The following FBXO8 variants were observed in gnomAD, a reference collection of about 807,000 sequenced individuals.
The protein encoded by FBXO8 is F-box protein 8, also known as F-box only protein 8.
FBXO8 carries 15 observed loss-of-function variants against 33.4 expected under a neutral mutation model. That is an observed-to-expected ratio of 0.45 (90% CI 0.30 to 0.69). The LOEUF is 0.69. FBXO8 is among the 30% of genes least tolerant of loss of function. The probability of loss-of-function intolerance (pLI) is 0.08; values close to 1 mark genes in which losing one functional copy is unlikely to be tolerated. For missense variants in FBXO8, 274 were observed against 380.3 expected (o/e 0.72, Z 2.32); for synonymous variants, 132 against 131.5 (o/e 1.00, Z -0.02).
rs963811681 is a variant in FBXO8 at position 174,237,079 on chromosome 4, G to T, written c.*333C>A. On this transcript the variant is annotated 3_prime_UTR_variant, in exon 6 of 6. Coordinates refer to ENST00000393674, the MANE Select transcript of FBXO8 (RefSeq NM_012180.3). The surrounding 1 kb of genome is among the most constrained non-coding windows in gnomAD (Gnocchi z 4.4). Reference sequence around the variant, plus strand: ...TTACATGGTATTTGTATAAAGAATGGAAATGGATAAAGTTTTTCAGGCAAA... The same window carrying T: ...TTACATGGTATTTGTATAAAGAATGTAAATGGATAAAGTTTTTCAGGCAAA... The T allele has an allele frequency of 5.2e-5, 10 of 193,598 alleles. No homozygotes were observed. Among genetic ancestry groups the T allele is most frequent in the Non-Finnish European group, 1.1e-4 (10 of 93,700 alleles). The allele number at this position is 193,598 out of a possible 1,614,324, so 12.0% of individuals were successfully genotyped here.
chr4:174,242,696 G>T (rs1375266146), intron 3 of FBXO8, among the ~76,000 whole-genome samples: 1 of 151,438 alleles, frequency 6.6e-6, no homozygotes, highest in Non-Finnish European at 1.5e-5. Flanking sequence ...ATACTTCTTT[G>T]GAATGAGGCT....
intron 3 of FBXO8, among the ~76,000 whole-genome samples, chr4:174,246,753 TA>T: frequency 6.6e-6 from 1 of 152,112 alleles, no homozygotes; most frequent in East Asian, 1.9e-4. Flanking sequence ...CTGGAGTTTA[TA>T]ATGATTAGCC....
In FBXO8 at chr4:174,262,707, T is replaced by C. The variant is rs1319402745; in HGVS notation, c.329+57A>G. 7 of 1,437,960 alleles carry C rather than the reference T, an allele frequency of 4.9e-6. No homozygotes were observed. The highest frequency in any genetic ancestry group is 1.2e-5 in the South Asian group (1 of 82,074). 89.1% of individuals were successfully genotyped at this position (1,437,960 alleles called of 1,614,324 possible). A position where few individuals can be genotyped will look rare whatever the true frequency, so the allele number is the denominator to read the frequency against. The stretch of plus-strand genomic sequence containing the variant: ...TGTAATATACATTATAAAAAGAACA[T>C]TGAAGCATGATTATGTTTAGAGATA... On this transcript the variant is annotated intron_variant, in intron 2 of 5. Transcript: ENST00000393674. This position sits in a 1 kb window ranked among gnomAD's most constrained non-coding sequence, Gnocchi z 4.6.
In FBXO8 at chr4:174,251,390, G is replaced by T. The variant is rs1191447779; in HGVS notation, c.456+8309C>A. Among the ~76,000 whole-genome samples, 1 of 152,046 alleles carries T rather than the reference G, an allele frequency of 6.6e-6. No homozygotes were observed. The highest frequency in any genetic ancestry group is 1.5e-5 in the Non-Finnish European group (1 of 67,984). ...TTGTCTTTCTTTCAAGTTTCTAAAA[G>T]GTTTATTCCGAGTCCACAAACCTCC... On this transcript the variant is annotated intron_variant, in intron 3 of 5. Coordinates refer to ENST00000393674, the MANE Select transcript of FBXO8 (RefSeq NM_012180.3). The surrounding 1 kb of genome is among the most constrained non-coding windows in gnomAD (Gnocchi z 4.2).
rs1160285262 is a variant in FBXO8 at position 174,239,052 on chromosome 4, G to A, written c.714C>T (p.Phe238=). The part of the protein sequence containing the change: ...GEYLETLITK[F]SHRFCACNPD... ...GGTTGCAAGCACAGAATCTATGTGA[G>A]AACTTTGTTATAAGAGTTTCAAGAT... Residue 238 remains phenylalanine, a synonymous_variant, in exon 5 of 6, where the codon TTC becomes TTT. Transcript: ENST00000393674. The A allele has an allele frequency of 7.5e-6, 12 of 1,605,308 alleles. No homozygotes were observed. Among genetic ancestry groups the A allele is most frequent in the South Asian group, 1.1e-5 (1 of 89,746 alleles).
In FBXO8 at chr4:174,259,425, T is replaced by G. The variant is rs903735630; in HGVS notation, c.456+274A>C. Reference sequence around the variant, plus strand: ...AAATTTTTGTGCTCTCTACTTATAATGTACTAATATTGTAATCAGGTCAGT... The same window carrying G: ...AAATTTTTGTGCTCTCTACTTATAAGGTACTAATATTGTAATCAGGTCAGT... On this transcript the variant is annotated intron_variant, in intron 3 of 5. Coordinates refer to ENST00000393674, the MANE Select transcript of FBXO8 (RefSeq NM_012180.3). This position sits in a 1 kb window ranked among gnomAD's most constrained non-coding sequence, Gnocchi z 4.3. 5.3e-5 allele frequency among the ~76,000 whole-genome samples: 8 copies of G among 152,088 alleles called. No individual in the cohort carries two copies. Among genetic ancestry groups the G allele is most frequent in the African/African-American group, 1.9e-4 (8 of 41,448 alleles).
rs1736976200 is a variant in FBXO8 at position 174,277,032 on chromosome 4, A to G, written c.-9+6378T>C. ...ATTGTTCTGACATAATTTTGGATGTATTTTTTTTAAAGTAGCAGTTTTAGT... is the reference window on the plus strand; with the variant it reads ...ATTGTTCTGACATAATTTTGGATGTGTTTTTTTTAAAGTAGCAGTTTTAGT... On this transcript the variant is annotated intron_variant, in intron 1 of 5. Transcript: ENST00000393674. This position sits in a 1 kb window ranked among gnomAD's most constrained non-coding sequence, Gnocchi z 4.9. 6.6e-6 allele frequency among the ~76,000 whole-genome samples: 1 copy of G among 151,942 alleles called. No homozygotes were observed. Among genetic ancestry groups the G allele is most frequent in the African/African-American group, 2.4e-5 (1 of 41,384 alleles).
intron 2 of FBXO8, among the ~76,000 whole-genome samples, chr4:174,260,063 C>T (rs2126434321): frequency 6.6e-6 from 1 of 152,048 alleles, no homozygotes; most frequent in Non-Finnish European, 1.5e-5. Flanking sequence ...TAATAATATT[C>T]ATGAGTACTA....
rs761336515 is a variant in FBXO8, at chr4:174,263,086, G to C, written c.7C>G (p.Gln3Glu). 1 of 1,611,348 alleles carries C rather than the reference G, an allele frequency of 6.2e-7. No individual in the cohort carries two copies. The highest frequency in any genetic ancestry group is 1.1e-5 in the South Asian group (1 of 91,024). Residue 3 changes from glutamine to glutamate, a missense_variant, in exon 2 of 6, where the codon CAA becomes GAA. Around this residue, in one of 2 missense-constraint regions of FBXO8, gnomAD observed 88 missense variants for 86.9 expected, o/e 1.01. Transcript: ENST00000393674. The surrounding 1 kb of genome is among the most constrained non-coding windows in gnomAD (Gnocchi z 4.2). MGQGLWRVVRNQQ... is the reference protein window; with the variant it reads MGEGLWRVVRNQQ... The stretch of plus-strand genomic sequence containing the variant: ...TTTCTGACCACTCTCCACAACCCTT[G>C]ACCCATCTGCAAGCCTGGGAAAAAG...
At position 174,255,997 on chromosome 4, in the gene FBXO8, A is replaced by G. The variant is rs1736405593; in HGVS notation, c.456+3702T>C. 1 of 441,132 alleles carries G rather than the reference A, an allele frequency of 2.3e-6. No individual in the cohort carries two copies. The highest frequency in any genetic ancestry group is 4.5e-6 in the Non-Finnish European group (1 of 219,960). The allele number at this position is 441,132 out of a possible 1,614,324, so 27.3% of individuals were successfully genotyped here. A position where few individuals can be genotyped will look rare whatever the true frequency, so the allele number is the denominator to read the frequency against. On this transcript the variant is annotated intron_variant, in intron 3 of 5. Transcript: ENST00000393674. The surrounding 1 kb of genome is among the most constrained non-coding windows in gnomAD (Gnocchi z 4.3). ...TACAGCTGAGATCACAATGTCATGC[A>G]TAGTACAACAGCGTGCCAGATTATC...
chr4:174,243,558 C>A (rs1350083392), intron 3 of FBXO8, among the ~76,000 whole-genome samples: 3 of 139,636 alleles, frequency 2.1e-5, no homozygotes, highest in Non-Finnish European at 3.2e-5. Context: ...TGTCAAAAAA[C>A]CGCAATCACT....
Position 174,256,114 on chromosome 4 carries a change from CG to C in FBXO8, c.456+3584del, listed in dbSNP as rs1560869799. On this transcript the variant is annotated intron_variant, in intron 3 of 5. Transcript: ENST00000393674. The surrounding 1 kb of genome is among the most constrained non-coding windows in gnomAD (Gnocchi z 4.6). ...TGGTTACCCATATCCGTGACATGAA[CG>C]GTGTCCTTTGGAGAATCTTGTTCCC... is the stretch of plus-strand genomic sequence containing the variant. The C allele has an allele frequency of 2.2e-6, 1 of 456,124 alleles. No homozygotes were observed. Among genetic ancestry groups the C allele is most frequent in the Non-Finnish European group, 4.4e-6 (1 of 226,894 alleles). 28.3% of individuals were successfully genotyped at this position (456,124 alleles called of 1,614,324 possible).
chr4:174,243,076 T>C (rs1247832259), intron 3 of FBXO8, among the ~76,000 whole-genome samples: 1 of 151,580 alleles, frequency 6.6e-6, no homozygotes, highest in Non-Finnish European at 1.5e-5. Flanking sequence ...ACATAATCTA[T>C]GCCACTTTAA....
rs1205430652 is a variant in FBXO8, at chr4:174,241,268, C to A, written c.457-50G>T. 1 of 1,109,692 alleles carries A rather than the reference C, an allele frequency of 9.0e-7. No individual in the cohort carries two copies. Among genetic ancestry groups the A allele is most frequent in the South Asian group, 1.4e-5 (1 of 72,554 alleles). 68.7% of individuals were successfully genotyped at this position (1,109,692 alleles called of 1,614,324 possible). A position where few individuals can be genotyped will look rare whatever the true frequency, so the allele number is the denominator to read the frequency against. ...TAAATAAAATTGCTCTTTATTTATGCATTTTAACAATTAAGCAATAGCACA... is the reference window on the plus strand; with the variant it reads ...TAAATAAAATTGCTCTTTATTTATGAATTTTAACAATTAAGCAATAGCACA... On this transcript the variant is annotated intron_variant, in intron 3 of 5. Transcript: ENST00000393674. This position sits in a 1 kb window ranked among gnomAD's most constrained non-coding sequence, Gnocchi z 4.2.
chr4:174,268,441 T>C (rs1213167729), intron 1 of FBXO8, among the ~76,000 whole-genome samples: 1 of 152,094 alleles, frequency 6.6e-6, no homozygotes, highest in Non-Finnish European at 1.5e-5. Flanking sequence ...TTTTGTTTTG[T>C]TTTGTTTTTG....
rs1015256445 is a variant in FBXO8 at position 174,263,837 on chromosome 4, G to A, written c.-8-737C>T. ...ACCTGGGAAAAGACACCAGAAGAAA[G>A]GTGTGCTCTAGTCTCCCCACTACCA... On this transcript the variant is annotated intron_variant, in intron 1 of 5. Coordinates refer to ENST00000393674, the MANE Select transcript of FBXO8 (RefSeq NM_012180.3). The surrounding 1 kb of genome is among the most constrained non-coding windows in gnomAD (Gnocchi z 4.2). Among the ~76,000 whole-genome samples the A allele has an allele frequency of 1.3e-5, 2 of 152,114 alleles. No individual in the cohort carries two copies. The highest frequency in any genetic ancestry group is 2.9e-5 in the Non-Finnish European group (2 of 68,016).
At chr4:174,264,115 A>C (rs1049607722) in intron 1 of FBXO8, among the ~76,000 whole-genome samples, 1 of 152,202 alleles carries the variant, frequency 6.6e-6, no homozygotes. Context: ...TGTTTCAAAA[A>C]CTTGGAAAAA....
At chr4:174,264,183 G>T (rs778726414) in intron 1 of FBXO8, among the ~76,000 whole-genome samples, 1 of 151,916 alleles carries the variant, frequency 6.6e-6, no homozygotes, top group Non-Finnish European at 1.5e-5. Context: ...AGCATGACCC[G>T]AACTTAAAAT....
rs1366898467 is a variant in FBXO8, at chr4:174,261,685, T to C, written c.329+1079A>G. Among the ~76,000 whole-genome samples, 1 of 152,022 alleles carries C rather than the reference T, an allele frequency of 6.6e-6. No homozygotes were observed. Among genetic ancestry groups the C allele is most frequent in the Non-Finnish European group, 1.5e-5 (1 of 67,904 alleles). Reference sequence around the variant, plus strand: ...AAAGAATAACAAGATATGATATTGATGATTTTTATCTATTTAGAGGTTGAG... The same window carrying C: ...AAAGAATAACAAGATATGATATTGACGATTTTTATCTATTTAGAGGTTGAG... On this transcript the variant is annotated intron_variant, in intron 2 of 5. Coordinates refer to ENST00000393674, the MANE Select transcript of FBXO8 (RefSeq NM_012180.3). This position sits in a 1 kb window ranked among gnomAD's most constrained non-coding sequence, Gnocchi z 4.1.
Sources: allele counts gnomAD v4.1 joint callset (sites outside exome capture counted in the v4.1 genomes callset), GRCh38; gene constraint gnomAD v4.1.1; regional missense constraint gnomAD v4.1.1; non-coding constraint Gnocchi (gnomAD v3.1); transcripts MANE v1.5; gene names NCBI Gene and HGNC (gene_info 2026-07-23, HGNC 2026-07-21).